The following SNTB1 variants were observed in gnomAD, a reference collection of about 807,000 sequenced individuals.
SNTB1 encodes the protein beta-1-syntrophin.
In SNTB1, 36 loss-of-function variants were observed where a neutral mutation model predicts 48.9. That is an observed-to-expected ratio of 0.74 (90% CI 0.56 to 0.97). The LOEUF is 0.97. Among genes scored for constraint, SNTB1 ranks in the 50% least tolerant of loss-of-function variants. The pLI, the probability that SNTB1 is intolerant of heterozygous loss-of-function variation, is 0.00. For synonymous variants in SNTB1, 299 were observed against 294.6 expected, an observed-to-expected ratio of 1.01 and a Z score of -0.15; for missense variants, 786 against 703.4, an observed-to-expected ratio of 1.12 and a Z score of -1.33.
At chr8:120,710,557 C>A (rs925971532) in intron 1 of SNTB1, among the ~76,000 whole-genome samples, 1 of 152,178 alleles carries the variant, frequency 6.6e-6, no homozygotes, top group Non-Finnish European at 1.5e-5. Flanking sequence ...GAGGTGGAAC[C>A]TTTTGGGAAG....
At chr8:120,615,249 C>T (rs927453394) in intron 3 of SNTB1, among the ~76,000 whole-genome samples, 5 of 152,164 alleles carry the variant, frequency 3.3e-5, no homozygotes, top group East Asian at 1.9e-4. Flanking sequence ...GCATTAGCGT[C>T]GCCAGAGCCG....
intron 3 of SNTB1, among the ~76,000 whole-genome samples, chr8:120,605,694 T>G (rs1816501982): frequency 6.6e-6 from 1 of 152,264 alleles, no homozygotes; most frequent in East Asian, 1.9e-4. Flanking sequence ...CTCACATTTG[T>G]TAAAACAAAG....
chr8:120,540,797 C>T (rs4601362), intron 6 of SNTB1, among the ~76,000 whole-genome samples: 69,118 of 152,054 alleles, frequency 0.45, 18,516 homozygotes, highest in African/African-American at 0.76. Context: ...TCCATCGTGG[C>T]TGCCTGTGGC....
chr8:120,743,945 A>G lies in SNTB1; in HGVS notation c.572-50037T>C, dbSNP rs111392982. On this transcript the variant is annotated intron_variant, in intron 1 of 6. Transcript: ENST00000517992. ...GGAGTTCAAGACCAGCCTGGGTGAC[A>G]TAGTATACTTTGTCTCTACACAAAA... Among the ~76,000 whole-genome samples the G allele has an allele frequency of 5.1e-3, 782 of 152,202 alleles. 10 individuals are homozygous for G. Among genetic ancestry groups the G allele is most frequent in the African/African-American group, 0.018 (743 of 41,536 alleles).
chr8:120,670,869 C>A (rs1392849011), intron 2 of SNTB1, among the ~76,000 whole-genome samples: 11 of 152,138 alleles, frequency 7.2e-5, no homozygotes, highest in Admixed American at 3.9e-4. Flanking sequence ...AATGTAGGTA[C>A]CATTACTGTT....
intron 4 of SNTB1, among the ~76,000 whole-genome samples, chr8:120,566,054 C>A (rs10105820): frequency 1.3e-5 from 2 of 152,054 alleles, no homozygotes; most frequent in African/African-American, 4.8e-5. Context: ...CAAAAATTAG[C>A]CAGATGTGGT....
At chr8:120,782,125 T>C (rs996303989) in intron 1 of SNTB1, among the ~76,000 whole-genome samples, 9 of 152,198 alleles carry the variant, frequency 5.9e-5, no homozygotes, top group Non-Finnish European at 1.2e-4. Flanking sequence ...CTTCTTGCTG[T>C]GTCTCTTTAC....
chr8:120,806,698 T>C (rs1487221984), intron 1 of SNTB1, among the ~76,000 whole-genome samples: 1 of 152,138 alleles, frequency 6.6e-6, no homozygotes, highest in African/African-American at 2.4e-5. Context: ...TGCTTTCCAG[T>C]AAAGAAAACT....
At chr8:120,682,812 T>G (rs1211754883) in intron 2 of SNTB1, among the ~76,000 whole-genome samples, 1 of 151,882 alleles carries the variant, frequency 6.6e-6, no homozygotes, top group African/African-American at 2.4e-5. Context: ...TAGAGGGCAG[T>G]CCATAATTTC....
chr8:120,722,873 T>G (rs1380874650), intron 1 of SNTB1, among the ~76,000 whole-genome samples: 1 of 152,154 alleles, frequency 6.6e-6, no homozygotes, highest in Non-Finnish European at 1.5e-5. Context: ...TTTATGGTTT[T>G]AGGTCTAACA....
intron 1 of SNTB1, among the ~76,000 whole-genome samples, chr8:120,701,153 G>C (rs1251052856): frequency 1.3e-5 from 2 of 152,160 alleles, no homozygotes; most frequent in Non-Finnish European, 2.9e-5. Flanking sequence ...TCATCTTAGG[G>C]AGGAAAGATG....
At chr8:120,715,095 C>T (rs967031454) in intron 1 of SNTB1, among the ~76,000 whole-genome samples, 11 of 152,198 alleles carry the variant, frequency 7.2e-5, no homozygotes, top group Non-Finnish European at 1.6e-4. Context: ...TATAGCCAAC[C>T]TTTGTCTTGT....
chr8:120,714,268 G>C (rs55886182), intron 1 of SNTB1, among the ~76,000 whole-genome samples: 9,084 of 152,006 alleles, frequency 0.06, 882 homozygotes, highest in African/African-American at 0.21. Context: ...ATTTAAGAAA[G>C]CAGTGCGTGC....
At chr8:120,802,947 C>T (rs556268479) in intron 1 of SNTB1, among the ~76,000 whole-genome samples, 8 of 151,976 alleles carry the variant, frequency 5.3e-5, no homozygotes, top group South Asian at 2.1e-4. Flanking sequence ...GAAGCCCAGA[C>T]GGAGTAAATC....
chr8:120,784,208 G>A (rs952322503), intron 1 of SNTB1, among the ~76,000 whole-genome samples: 2 of 151,994 alleles, frequency 1.3e-5, no homozygotes, highest in Non-Finnish European at 2.9e-5. Flanking sequence ...TGGCCAGGCT[G>A]GTTTTGAACT....
chr8:120,791,263 C>T lies in SNTB1; in HGVS notation c.571+20010G>A, dbSNP rs553864819. On this transcript the variant is annotated intron_variant, in intron 1 of 6. Transcript: ENST00000517992. Reference sequence around the variant, plus strand: ...ATGGCCACATGTAGAAGAATGAATCCGGATCCTATTTCTCACCATATACAA... The same window carrying T: ...ATGGCCACATGTAGAAGAATGAATCTGGATCCTATTTCTCACCATATACAA... 2.4e-3 allele frequency among the ~76,000 whole-genome samples: 358 copies of T among 151,816 alleles called. 1 individual carries two copies. Among genetic ancestry groups the T allele is most frequent in the African/African-American group, 8.2e-3 (340 of 41,460 alleles).
chr8:120,545,211 G>A (rs1477680396), intron 5 of SNTB1, among the ~76,000 whole-genome samples: 1 of 152,152 alleles, frequency 6.6e-6, no homozygotes, highest in Non-Finnish European at 1.5e-5. Flanking sequence ...AGGCATGGTG[G>A]CAGGCATCTG....
chr8:120,574,545 T>C (rs1815918247), intron 4 of SNTB1, among the ~76,000 whole-genome samples: 1 of 152,168 alleles, frequency 6.6e-6, no homozygotes, highest in African/African-American at 2.4e-5. Flanking sequence ...AAGTGCTTTT[T>C]AAAGACATAT....
chr8:120,650,456 C>T (rs910258205), intron 2 of SNTB1, among the ~76,000 whole-genome samples: 5 of 152,104 alleles, frequency 3.3e-5, no homozygotes, highest in African/African-American at 1.2e-4. Flanking sequence ...CAGCAACCTA[C>T]CTTCCCCCTT....
Sources: allele counts gnomAD v4.1 joint callset (sites outside exome capture counted in the v4.1 genomes callset), GRCh38; gene constraint gnomAD v4.1.1; transcripts MANE v1.5; gene names NCBI Gene and HGNC (gene_info 2026-07-23, HGNC 2026-07-21).